Variants in CNTN6 observed in about 807,000 individuals in gnomAD.
CNTN6 encodes contactin 6.
CNTN6 carries 137 observed loss-of-function variants against 122.8 expected under a neutral mutation model. That is an observed-to-expected ratio of 1.12 (90% CI 0.97 to 1.29). CNTN6 has a LOEUF of 1.29. CNTN6 is among the 50% of genes most tolerant of loss of function. The probability of loss-of-function intolerance (pLI) is 0.00; values close to 1 mark genes in which losing one functional copy is unlikely to be tolerated. For synonymous variants in CNTN6, 570 were observed against 426.0 expected, an observed-to-expected ratio of 1.34 and a Z score of -4.16; for missense variants, 1,634 against 1,223.4, an observed-to-expected ratio of 1.34 and a Z score of -5.01.
intron 1 of CNTN6, among the ~76,000 whole-genome samples, chr3:1,124,396 T>A (rs1288892541): frequency 6.6e-6 from 1 of 151,942 alleles, no homozygotes; most frequent in Non-Finnish European, 1.5e-5. Flanking sequence ...TGTGTTTCAG[T>A]ACTCCAACCA....
At chr3:1,175,701 A>C (rs1301135896) in intron 2 of CNTN6, among the ~76,000 whole-genome samples, 1 of 152,208 alleles carries the variant, frequency 6.6e-6, no homozygotes, top group African/African-American at 2.4e-5. Context: ...CCCATTGGCT[A>C]CTCTTTGGTG....
chr3:1,144,499 C>A (rs2092681631), intron 1 of CNTN6, among the ~76,000 whole-genome samples: 1 of 151,660 alleles, frequency 6.6e-6, no homozygotes, highest in Non-Finnish European at 1.5e-5. Flanking sequence ...CACTTGATCC[C>A]AAAAGGCAGA....
chr3:1,139,691 G>A (rs1574989357), intron 1 of CNTN6, among the ~76,000 whole-genome samples: 1 of 152,156 alleles, frequency 6.6e-6, no homozygotes, highest in East Asian at 1.9e-4. Context: ...AATCACAGCA[G>A]ATTTGGAGAG....
intron 4 of CNTN6, among the ~76,000 whole-genome samples, chr3:1,250,876 T>G (rs1238342621): frequency 6.6e-6 from 1 of 152,184 alleles, no homozygotes; most frequent in Non-Finnish European, 1.5e-5. Context: ...ACCACAGGTC[T>G]GTCAGTAGGG....
rs945239392 is a variant in CNTN6, at chr3:1,259,458, G to A, written c.359-18955G>A. 5.9e-5 allele frequency among the ~76,000 whole-genome samples: 9 copies of A among 151,930 alleles called. No homozygotes were observed. The East Asian group carries it at 7.7e-4, about 13-fold the overall frequency. On this transcript the variant is annotated intron_variant, in intron 4 of 22. Transcript: ENST00000446702. Reference sequence around the variant, plus strand: ...TTTTAATTAATGACGTGTCACATATGTTTCAGCTTACTATTCACAGGACAC... The same window carrying A: ...TTTTAATTAATGACGTGTCACATATATTTCAGCTTACTATTCACAGGACAC...
chr3:1,157,215 T>TA (rs982008367), intron 2 of CNTN6, among the ~76,000 whole-genome samples: 4 of 141,634 alleles, frequency 2.8e-5, no homozygotes, highest in Non-Finnish European at 6.0e-5. Flanking sequence ...TTTATTTATT[T>TA]ATTTAATTTA....
chr3:1,268,328 CTGGG>C (rs2094959217), intron 4 of CNTN6, among the ~76,000 whole-genome samples: 4 of 152,126 alleles, frequency 2.6e-5, no homozygotes, highest in African/African-American at 7.2e-5. Context: ...AGAGAGTGGG[CTGGG>C]CGCGGTGGCT....
Position 1,373,636 on chromosome 3 carries a change from G to T in CNTN6, c.1819G>T (p.Glu607Ter), listed in dbSNP as rs184338230. 1.9e-6 allele frequency: 3 copies of T among 1,612,538 alleles called. No homozygotes were observed. The highest frequency in any genetic ancestry group is 1.1e-5 in the South Asian group (1 of 91,006). ...AGGTCCTCCTGAGGATGTGCAAGTG[G>T]AAGACATTTCCAGTACTACTTCTCA... ...PPGPPEDVQV[E>*]DISSTTSQLS... Residue 607 changes from glutamate to a stop codon, truncating the protein, a stop_gained, in exon 15 of 23, where the codon GAA (glutamate) becomes TAA (stop). Transcript: ENST00000446702. LOFTEE classifies it high-confidence loss of function.
chr3:1,326,332 TAA>T (rs34949023), intron 9 of CNTN6, among the ~76,000 whole-genome samples: 1,856 of 151,936 alleles, frequency 0.012, 46 homozygotes, highest in African/African-American at 0.043. Context: ...GAAAACATTA[TAA>T]GAGAGATACA....
intron 2 of CNTN6, among the ~76,000 whole-genome samples, chr3:1,154,291 G>A (rs1488574874): frequency 6.6e-6 from 1 of 152,140 alleles, no homozygotes; most frequent in Non-Finnish European, 1.5e-5. Context: ...GTGAGTAATT[G>A]TGTTTTCACC....
At chr3:1,374,757 C>T (rs953551268) in intron 16 of CNTN6, among the ~76,000 whole-genome samples, 1 of 152,058 alleles carries the variant, frequency 6.6e-6, no homozygotes, top group African/African-American at 2.4e-5. Flanking sequence ...AACAAAGGAT[C>T]ACTTGTCATG....
At chr3:1,259,900 TC>T (rs2094817327) in intron 4 of CNTN6, among the ~76,000 whole-genome samples, 2 of 152,074 alleles carry the variant, frequency 1.3e-5, no homozygotes, top group African/African-American at 4.8e-5. Flanking sequence ...TATATATTAG[TC>T]ATTTTTATTT....
At chr3:1,158,753 T>C (rs1401920429) in intron 2 of CNTN6, among the ~76,000 whole-genome samples, 1 of 138,608 alleles carries the variant, frequency 7.2e-6, no homozygotes, top group Non-Finnish European at 1.5e-5. Context: ...TATATATATA[T>C]ACATATATAT....
chr3:1,151,668 C>G lies in CNTN6; in HGVS notation c.55+3605C>G, dbSNP rs1056132896. 3.9e-5 allele frequency among the ~76,000 whole-genome samples: 6 copies of G among 152,286 alleles called. No individual in the cohort carries two copies. The East Asian group carries it at 1.2e-3, about 29-fold the overall frequency. On this transcript the variant is annotated intron_variant, in intron 2 of 22. Coordinates refer to ENST00000446702, the MANE Select transcript of CNTN6 (RefSeq NM_001289080.2). ...TGATGTTGACCTTCAACAATAGGTC[C>G]ATAGTCCCTGCCCTCTTCAACCTGA... is the stretch of plus-strand genomic sequence containing the variant.
chr3:1,099,261 C>T (rs1392053907), intron 1 of CNTN6, among the ~76,000 whole-genome samples: 9 of 151,984 alleles, frequency 5.9e-5, no homozygotes, highest in Non-Finnish European at 1.3e-4. Context: ...ACCATCCTGG[C>T]TAACACGGTG....
chr3:1,387,188 A>C (rs1693143170), intron 20 of CNTN6, among the ~76,000 whole-genome samples: 1 of 151,784 alleles, frequency 6.6e-6, no homozygotes, highest in Admixed American at 6.6e-5. Flanking sequence ...CTGATTCTGG[A>C]AGCATCTTAG....
chr3:1,345,893 A>G (rs1437683051), intron 11 of CNTN6, among the ~76,000 whole-genome samples: 1 of 152,142 alleles, frequency 6.6e-6, no homozygotes, highest in Non-Finnish European at 1.5e-5. Context: ...ACAGAACTGG[A>G]AGCAATACTC....
intron 2 of CNTN6, 23 bp downstream of exon 2, chr3:1,148,086 G>T: frequency 6.4e-7 from 1 of 1,572,936 alleles, no homozygotes; most frequent in Non-Finnish European, 8.7e-7. Context: ...ATTATTATAA[G>T]TTTTGATTGA....
chr3:1,148,056 T>A lies in CNTN6; in HGVS notation c.48T>A (p.Ser16=), dbSNP rs774285511. The A allele has an allele frequency of 6.2e-7, 1 of 1,606,888 alleles. No individual in the cohort carries two copies. Among genetic ancestry groups the A allele is most frequent in the Non-Finnish European group, 8.5e-7 (1 of 1,174,566 alleles). Residue 16 remains serine, a synonymous_variant, in exon 2 of 23, where the codon TCT becomes TCA. Coordinates refer to ENST00000446702, the MANE Select transcript of CNTN6 (RefSeq NM_001289080.2). ...KLVILLPLIN[S]SAGDGLLSRP... is the part of the protein sequence containing the mutation. ...TAATTCTGCTGCCACTCATAAACTC[T>A]TCTGCAGGTAAAGTGTTCTATTATT...
Sources: allele counts gnomAD v4.1 joint callset (sites outside exome capture counted in the v4.1 genomes callset), GRCh38; gene constraint gnomAD v4.1.1; transcripts MANE v1.5; gene names NCBI Gene and HGNC (gene_info 2026-07-23, HGNC 2026-07-21).